Variants in BCO1 observed in about 807,000 individuals in gnomAD.
BCO1 encodes beta,beta-carotene 15,15'-dioxygenase.
A neutral mutation model predicts 56.3 loss-of-function variants in BCO1; 54 were observed. The ratio of observed to expected loss-of-function variants is 0.96; its 90% CI spans 0.77 to 1.20. The LOEUF (loss-of-function observed/expected upper bound fraction) is 1.20. Among genes scored for constraint, BCO1 ranks in the 50% most tolerant of loss-of-function variants. BCO1 has a pLI of 0.00. For synonymous variants in BCO1, 318 were observed against 266.1 expected (o/e 1.20, Z -1.90); for missense variants, 801 against 690.9 (o/e 1.16, Z -1.79).
chr16:81,261,631 C>G (rs1906485525), intron 3 of BCO1, among the ~76,000 whole-genome samples: 1 of 152,178 alleles, frequency 6.6e-6, no homozygotes, highest in Admixed American at 6.6e-5. Flanking sequence ...CCGGCCGACT[C>G]ATTTCTTAGC....
chr16:81,255,475 A>G (rs1298966372), intron 2 of BCO1, among the ~76,000 whole-genome samples: 1 of 152,168 alleles, frequency 6.6e-6, no homozygotes, highest in Non-Finnish European at 1.5e-5. Flanking sequence ...GCTATTAATT[A>G]ACAAATGACA....
intron 6 of BCO1, among the ~76,000 whole-genome samples, chr16:81,268,635 C>T (rs756773814): frequency 4.5e-4 from 69 of 152,230 alleles, no homozygotes; most frequent in Admixed American, 4.6e-4. Context: ...TATGTATGCA[C>T]GTATTGCATG....
intron 9 of BCO1, among the ~76,000 whole-genome samples, chr16:81,286,802 C>T (rs951631995): frequency 7.9e-5 from 12 of 151,734 alleles, no homozygotes; most frequent in Admixed American, 2.0e-4. Flanking sequence ...GGAGGCCGGG[C>T]GCGGTGGCTC....
intron 7 of BCO1, among the ~76,000 whole-genome samples, chr16:81,278,741 G>C (rs1030944222): frequency 6.6e-6 from 1 of 152,168 alleles, no homozygotes; most frequent in Admixed American, 6.5e-5. Flanking sequence ...CCCTCTACCA[G>C]CAATGCTCTT....
At chr16:81,269,662 T>C (rs1188320884) in intron 6 of BCO1, among the ~76,000 whole-genome samples, 1 of 152,104 alleles carries the variant, frequency 6.6e-6, no homozygotes, top group Non-Finnish European at 1.5e-5. Flanking sequence ...AGAGATGGGG[T>C]TTTGCCATGT....
At chr16:81,262,578 A>C (rs1236119466) in intron 4 of BCO1, 1 of 382,522 alleles carries the variant, frequency 2.6e-6, no homozygotes, top group Non-Finnish European at 5.0e-6. Flanking sequence ...CTGTAATTCC[A>C]GCACTTTGGG....
chr16:81,290,479 T>A lies in BCO1; in HGVS notation c.1546T>A (p.Leu516Ile). Residue 516 changes from leucine (L) to isoleucine (I), a missense_variant, in exon 11 of 11, where the codon TTA becomes ATA. By Grantham distance (5) the Leu-to-Ile change is conservative. Transcript: ENST00000258168. ...CGATATGCACATGGATCTCCATGGA[T>A]TATTCATTACAGACATGGACTGGGA... Reference protein sequence around the residue: ...DVDMHMDLHGLFITDMDWDTK... With the variant: ...DVDMHMDLHGIFITDMDWDTK... 1.2e-6 allele frequency: 2 copies of A among 1,614,148 alleles called. No homozygotes were observed. The highest frequency in any genetic ancestry group is 2.2e-5 in the East Asian group (1 of 44,868).
chr16:81,242,648 C>G (rs1905185988), intron 1 of BCO1, among the ~76,000 whole-genome samples: 1 of 152,050 alleles, frequency 6.6e-6, no homozygotes. Context: ...GTCTTCCTGC[C>G]TCTCTCAGGG....
intron 1 of BCO1, among the ~76,000 whole-genome samples, chr16:81,241,906 T>G (rs1435790308): frequency 6.6e-6 from 1 of 152,176 alleles, no homozygotes; most frequent in African/African-American, 2.4e-5. Context: ...TGAGACCTCT[T>G]TGGCAACTTA....
At chr16:81,290,064 A>C (rs576449154) in intron 10 of BCO1, among the ~76,000 whole-genome samples, 1 of 152,250 alleles carries the variant, frequency 6.6e-6, no homozygotes, top group South Asian at 2.1e-4. Context: ...GGGTTTCACC[A>C]CGTTGGCCAG....
chr16:81,285,592 T>C lies in BCO1; in HGVS notation c.1260T>C (p.Tyr420=), dbSNP rs1908133580. 6.2e-7 allele frequency: 1 copy of C among 1,613,866 alleles called. No homozygotes were observed. The change falls in exon 9 of 11, where the codon TAT becomes TAC. Residue 420 remains tyrosine (Y), a synonymous_variant. Coordinates refer to ENST00000258168, the MANE Select transcript of BCO1 (RefSeq NM_017429.3). The part of the protein sequence containing the change: ...NYAHNGKQYR[Y]VFATGVQWSP... ...CTCACAATGGAAAGCAATACCGATA[T>C]GTCTTTGCTACAGGAGTTCAGTGGA...
In BCO1 at chr16:81,280,864, A is replaced by C. The variant is rs765230331; in HGVS notation, c.1109A>C (p.Glu370Ala). 6 of 1,613,212 alleles carry C rather than the reference A, an allele frequency of 3.7e-6. No homozygotes were observed. The South Asian group carries it at 5.5e-5, about 15-fold the overall frequency. ...AAAACTGAATTTTTTCAGAATGCAG[A>C]AGTGGGCACAAATTTAATCAAAGTG... ...AVPLHVDKNA[E>A]VGTNLIKVAS... Residue 370 changes from glutamate (E) to alanine (A), a missense_variant, in exon 8 of 11, where the codon GAA becomes GCA. Physicochemically the swap from Glu to Ala is moderately radical, Grantham distance 107. Transcript: ENST00000258168.
chr16:81,286,646 C>T (rs1388113062), intron 9 of BCO1, among the ~76,000 whole-genome samples: 1 of 150,946 alleles, frequency 6.6e-6, no homozygotes, highest in Non-Finnish European at 1.5e-5. Context: ...ACCAGGAGTT[C>T]GAGACCAGCT....
chr16:81,254,399 T>G (rs1906001666), intron 2 of BCO1, among the ~76,000 whole-genome samples: 1 of 140,130 alleles, frequency 7.1e-6, no homozygotes, highest in Non-Finnish European at 1.5e-5. Flanking sequence ...GATCCGCCCA[T>G]CTTGGCCTCC....
At chr16:81,287,432 G>C (rs889941122) in intron 10 of BCO1, 26 bp downstream of exon 10, 1 of 1,563,402 alleles carries the variant, frequency 6.4e-7, no homozygotes, top group African/African-American at 1.4e-5. Context: ...GCCACGCCTA[G>C]TTGCTGCACG....
intron 2 of BCO1, among the ~76,000 whole-genome samples, chr16:81,248,319 C>T (rs1905550817): frequency 6.9e-6 from 1 of 145,024 alleles, no homozygotes. Context: ...AGGAGAATCG[C>T]TTGAACTCGG....
intron 4 of BCO1, chr16:81,262,556 G>A (rs1433235953): frequency 1.2e-5 from 5 of 418,474 alleles, no homozygotes; most frequent in Admixed American, 3.4e-5. Flanking sequence ...GGCTGGGTGT[G>A]GTGACCTACA....
chr16:81,255,544 G>A (rs1456084476), intron 2 of BCO1, among the ~76,000 whole-genome samples: 1 of 151,252 alleles, frequency 6.6e-6, no homozygotes, highest in East Asian at 1.9e-4. Flanking sequence ...CTGTTGCCCA[G>A]GCTGGAGTGC....
intron 3 of BCO1, among the ~76,000 whole-genome samples, chr16:81,261,743 ATTT>A (rs60296313): frequency 6.9e-6 from 1 of 144,736 alleles, no homozygotes; most frequent in Non-Finnish European, 1.5e-5. Flanking sequence ...GAAGTAAAGC[ATTT>A]TTTTTTTTTC....
Sources: allele counts gnomAD v4.1 joint callset (sites outside exome capture counted in the v4.1 genomes callset), GRCh38; gene constraint gnomAD v4.1.1; transcripts MANE v1.5; gene names NCBI Gene and HGNC (gene_info 2026-07-23, HGNC 2026-07-21).